Variants in TMEM74 observed in about 807,000 individuals in gnomAD.
TMEM74 encodes the protein transmembrane protein 74.
A neutral mutation model predicts 18.1 loss-of-function variants in TMEM74; 13 were observed. The observed-to-expected ratio is 0.72, with a 90% CI of 0.47 to 1.14. The LOEUF (loss-of-function observed/expected upper bound fraction) is 1.14. Ranked by LOEUF, TMEM74 falls within the 50% of genes most tolerant of loss-of-function variation. The pLI is 0.00. For synonymous variants in TMEM74, 159 were observed against 146.6 expected (o/e 1.08, Z -0.61); for missense variants, 372 against 375.9 (o/e 0.99, Z 0.09).
intron 1 of TMEM74, among the ~76,000 whole-genome samples, chr8:108,692,774 T>G (rs895496859): frequency 4.6e-5 from 7 of 152,220 alleles, no homozygotes; most frequent in Non-Finnish European, 1.0e-4. Flanking sequence ...TCTGTCACAA[T>G]GAATGGTACC....
At chr8:108,623,183 C>G (rs528114865) in intron 2 of TMEM74, among the ~76,000 whole-genome samples, 2 of 152,228 alleles carry the variant, frequency 1.3e-5, no homozygotes, top group Admixed American at 6.6e-5. Flanking sequence ...GACTGTATGT[C>G]AAGGCCCTGT....
chr8:108,728,302 G>T, intron 1 of TMEM74, among the ~76,000 whole-genome samples: 1 of 152,148 alleles, frequency 6.6e-6, no homozygotes, highest in South Asian at 2.1e-4. Context: ...GGGGGAACTT[G>T]TAAGAGCATT....
chr8:108,703,201 T>C (rs1257425389), intron 1 of TMEM74, among the ~76,000 whole-genome samples: 1 of 152,180 alleles, frequency 6.6e-6, no homozygotes, highest in Non-Finnish European at 1.5e-5. Flanking sequence ...GAAGTTCATA[T>C]AGGATTTAAG....
intron 2 of TMEM74, among the ~76,000 whole-genome samples, chr8:108,638,378 T>G (rs1586242947): frequency 1.3e-5 from 2 of 152,242 alleles, no homozygotes; most frequent in Non-Finnish European, 2.9e-5. Flanking sequence ...AAAATGTTCT[T>G]TTGTTATTTC....
intron 1 of TMEM74, among the ~76,000 whole-genome samples, chr8:108,747,236 C>CTG (rs111291163): frequency 0.034 from 5,072 of 150,854 alleles, 191 homozygotes; most frequent in African/African-American, 0.095. Context: ...GGGAATTGGC[C>CTG]TGTGTGTGTG....
At chr8:108,748,229 G>A (rs923544025) in intron 1 of TMEM74, among the ~76,000 whole-genome samples, 1 of 152,024 alleles carries the variant, frequency 6.6e-6, no homozygotes. Context: ...AGCACCTGTT[G>A]TTTATTGACT....
intron 1 of TMEM74, among the ~76,000 whole-genome samples, chr8:108,770,851 A>AATC (rs1386284037): frequency 2.0e-5 from 3 of 152,160 alleles, no homozygotes; most frequent in Non-Finnish European, 2.9e-5. Context: ...TGAATCACTG[A>AATC]ATCCTAGGCC....
chr8:108,718,931 C>G (rs1292381243), intron 1 of TMEM74, among the ~76,000 whole-genome samples: 1 of 151,446 alleles, frequency 6.6e-6, no homozygotes, highest in Non-Finnish European at 1.5e-5. Flanking sequence ...TTATGTCATA[C>G]TACAAAGTTA....
intron 1 of TMEM74, among the ~76,000 whole-genome samples, chr8:108,680,237 C>T (rs1458363693): frequency 6.6e-6 from 1 of 152,140 alleles, no homozygotes; most frequent in East Asian, 1.9e-4. Flanking sequence ...AGACCAATAT[C>T]CTTGATGAAC....
intron 1 of TMEM74, among the ~76,000 whole-genome samples, chr8:108,763,574 G>A (rs1204738488): frequency 6.6e-6 from 1 of 152,108 alleles, no homozygotes; most frequent in Non-Finnish European, 1.5e-5. Flanking sequence ...CCACCAAGAA[G>A]TATTAATTTA....
chr8:108,766,799 T>C (rs1172545767), intron 1 of TMEM74, among the ~76,000 whole-genome samples: 1 of 152,144 alleles, frequency 6.6e-6, no homozygotes, highest in African/African-American at 2.4e-5. Flanking sequence ...AGCGCAGCTT[T>C]CAGTCTGTGG....
chr8:108,687,768 C>T (rs1813185809), intron 1 of TMEM74, among the ~76,000 whole-genome samples: 1 of 152,048 alleles, frequency 6.6e-6, no homozygotes, highest in Non-Finnish European at 1.5e-5. Context: ...CACTGCTGAT[C>T]TTGCAGGAGG....
intron 1 of TMEM74, among the ~76,000 whole-genome samples, chr8:108,660,478 C>G (rs983511602): frequency 6.6e-6 from 1 of 152,160 alleles, no homozygotes; most frequent in African/African-American, 2.4e-5. Context: ...ATTCAACCTT[C>G]CCAAAACTTC....
At chr8:108,661,180 A>G (rs995100311) in intron 1 of TMEM74, among the ~76,000 whole-genome samples, 2 of 152,092 alleles carry the variant, frequency 1.3e-5, no homozygotes, top group Admixed American at 1.3e-4. Context: ...CTATTCCAAG[A>G]TTCTTAAATC....
rs574176638 is a variant in TMEM74 at position 108,621,941 on chromosome 8, A to C, written n.265-13115T>G. 1.8e-4 allele frequency among the ~76,000 whole-genome samples: 28 copies of C among 152,294 alleles called. 1 individual carries two copies. Among genetic ancestry groups the C allele is most frequent in the African/African-American group, 6.7e-4 (28 of 41,578 alleles). On this transcript the variant is annotated intron_variant and non_coding_transcript_variant, in intron 2 of 3. Coordinates refer to the TMEM74 transcript ENST00000518838. ...TTATTTCTGGTCATGATGGAGATGC[A>C]TATTGCCTTTTAAAATTTACATATG...
intron 1 of TMEM74, among the ~76,000 whole-genome samples, chr8:108,754,107 T>A (rs549422086): frequency 3.3e-5 from 5 of 152,182 alleles, no homozygotes; most frequent in East Asian, 1.9e-4. Context: ...ATAATACACA[T>A]CTTTAAATTA....
At chr8:108,734,622 C>T (rs540189806) in intron 1 of TMEM74, among the ~76,000 whole-genome samples, 2 of 152,264 alleles carry the variant, frequency 1.3e-5, no homozygotes, top group African/African-American at 2.4e-5. Flanking sequence ...GTTTTCCTTT[C>T]TGCTAAGTTT....
chr8:108,616,432 A>G (rs1485026471), intron 2 of TMEM74, among the ~76,000 whole-genome samples: 1 of 152,190 alleles, frequency 6.6e-6, no homozygotes, highest in Non-Finnish European at 1.5e-5. Flanking sequence ...AACTGACATC[A>G]TGCACTCATT....
At chr8:108,660,771 CAG>C (rs1183363017) in intron 1 of TMEM74, among the ~76,000 whole-genome samples, 7 of 152,206 alleles carry the variant, frequency 4.6e-5, no homozygotes, top group African/African-American at 1.7e-4. Context: ...AATATCCCCA[CAG>C]AGAGTATTTC....
Sources: gnomAD v4.1 joint callset for allele counts (sites outside exome capture counted in the v4.1 genomes callset) on GRCh38, gnomAD v4.1.1 for gene constraint, MANE v1.5 for transcripts, NCBI Gene and HGNC (gene_info 2026-07-23, HGNC 2026-07-21) for gene names.